SIK3: variants seen among roughly 807,000 people sequenced by gnomAD.
SIK3 encodes SIK family kinase 3, also known as serine/threonine-protein kinase SIK3.
In SIK3, 28 loss-of-function variants were observed where a neutral mutation model predicts 144.2. The ratio of observed to expected loss-of-function variants is 0.19; its 90% CI spans 0.14 to 0.27. The LOEUF (loss-of-function observed/expected upper bound fraction) is 0.27. SIK3 is among the 10% of genes least tolerant of loss of function. The pLI, the probability that SIK3 is intolerant of heterozygous loss-of-function variation, is 1.00. For synonymous variants in SIK3, 686 were observed against 676.3 expected, an observed-to-expected ratio of 1.01 and a Z score of -0.22; for missense variants, 1,319 against 1,776.0, an observed-to-expected ratio of 0.74 and a Z score of 4.62.
At chr11:116,939,166 T>C (rs1249556698) in intron 3 of SIK3, among the ~76,000 whole-genome samples, 1 of 152,194 alleles carries the variant, frequency 6.6e-6, no homozygotes, top group Non-Finnish European at 1.5e-5. Flanking sequence ...GTTTTGTTTT[T>C]AAGACAAGTC....
intron 4 of SIK3, among the ~76,000 whole-genome samples, chr11:116,903,974 T>C (rs1945881266): frequency 6.6e-6 from 1 of 152,248 alleles, no homozygotes; most frequent in Non-Finnish European, 1.5e-5. Context: ...ATTTTGGCTC[T>C]GGAGCTACTC....
intron 20 of SIK3, 126 bp downstream of exon 20, chr11:116,859,139 G>C (rs1943159488): frequency 1.2e-6 from 1 of 863,272 alleles, no homozygotes; most frequent in Admixed American, 3.0e-5. Context: ...ATTTTAGAAA[G>C]CGTGAAACAA....
chr11:117,007,165 G>T (rs537099386), intron 1 of SIK3, among the ~76,000 whole-genome samples: 1 of 152,222 alleles, frequency 6.6e-6, no homozygotes, highest in Non-Finnish European at 1.5e-5. Flanking sequence ...ATCACCTGAC[G>T]TCAGGAGATT....
intron 4 of SIK3, among the ~76,000 whole-genome samples, chr11:116,922,943 G>A (rs1219635953): frequency 4.4e-5 from 5 of 113,562 alleles, no homozygotes; most frequent in Non-Finnish European, 8.3e-5. Flanking sequence ...TTGAGATGGA[G>A]TCTCGCTCTC....
At chr11:116,907,106 T>C (rs1946081065) in intron 4 of SIK3, among the ~76,000 whole-genome samples, 1 of 152,198 alleles carries the variant, frequency 6.6e-6, no homozygotes, top group Non-Finnish European at 1.5e-5. Context: ...TTCTGTTGAG[T>C]GCTGCGCTAC....
chr11:116,902,082 G>T (rs1270418258), intron 4 of SIK3, among the ~76,000 whole-genome samples: 1 of 152,192 alleles, frequency 6.6e-6, no homozygotes, highest in Non-Finnish European at 1.5e-5. Flanking sequence ...CAGTGCAGAG[G>T]AGAAATGCGA....
At chr11:117,030,350 A>G (rs959268095) in intron 1 of SIK3, among the ~76,000 whole-genome samples, 5 of 152,226 alleles carry the variant, frequency 3.3e-5, no homozygotes, top group Non-Finnish European at 7.3e-5. Flanking sequence ...ACAAAATGGA[A>G]CTACTTTAAA....
chr11:116,911,004 G>A (rs184800617), intron 4 of SIK3, among the ~76,000 whole-genome samples: 139 of 152,262 alleles, frequency 9.1e-4, no homozygotes, highest in Non-Finnish European at 1.6e-3. Flanking sequence ...GTGAAGCGGC[G>A]CACACCTGTA....
intron 16 of SIK3, among the ~76,000 whole-genome samples, chr11:116,862,618 G>A (rs1943409132): frequency 6.6e-6 from 1 of 152,218 alleles, no homozygotes; most frequent in Admixed American, 6.5e-5. Context: ...TGGTCATCAG[G>A]AAGGCAGAAA....
rs547563056 is a variant in SIK3 at position 116,893,618 on chromosome 11, C to T, written c.865+2635G>A. Among the ~76,000 whole-genome samples, 6 of 152,128 alleles carry T rather than the reference C, an allele frequency of 3.9e-5. No homozygotes were observed. The East Asian group carries it at 1.2e-3, about 29-fold the overall frequency. On this transcript the variant is annotated intron_variant, in intron 6 of 24. Transcript: ENST00000445177. The stretch of plus-strand genomic sequence containing the variant: ...GCCTGGGAGGTCCAGCTGCAGTGAG[C>T]CACGATCACACCACTGCATTCCAAC...
At chr11:116,894,785 A>G (rs1945306578) in intron 6 of SIK3, among the ~76,000 whole-genome samples, 2 of 152,132 alleles carry the variant, frequency 1.3e-5, no homozygotes, top group African/African-American at 4.8e-5. Context: ...CTTGAATCTG[A>G]TCACTTCTTA....
chr11:117,057,640 T>A (rs1348898645), intron 1 of SIK3, among the ~76,000 whole-genome samples: 1 of 152,150 alleles, frequency 6.6e-6, no homozygotes, highest in African/African-American at 2.4e-5. Flanking sequence ...CAAAAAACAT[T>A]ACACAGTTAT....
At position 117,087,760 on chromosome 11, in the gene SIK3, A is replaced by T. The variant is rs191298440; in HGVS notation, c.273+10383T>A. Among the ~76,000 whole-genome samples the T allele has an allele frequency of 9.5e-4, 144 of 152,350 alleles. 1 individual carries two copies. Among genetic ancestry groups the T allele is most frequent in the Admixed American group, 3.3e-3 (50 of 15,294 alleles). ...TATACATATTAGGTGCCGTACAAGCATGTGTTCCCTTTGGCACGGTAATTT... is the reference window on the plus strand; with the variant it reads ...TATACATATTAGGTGCCGTACAAGCTTGTGTTCCCTTTGGCACGGTAATTT... On this transcript the variant is annotated intron_variant, in intron 1 of 24. Transcript: ENST00000445177.
At chr11:116,876,889 A>C (rs1565398237) in intron 7 of SIK3, 35 bp downstream of exon 7, 1 of 1,553,570 alleles carries the variant, frequency 6.4e-7, no homozygotes, top group South Asian at 1.1e-5. Flanking sequence ...AGCAGCTTTC[A>C]GAGGAGTCCC....
chr11:116,995,814 C>G lies in SIK3; in HGVS notation c.274-38750G>C, dbSNP rs1380744653. On this transcript the variant is annotated intron_variant, in intron 1 of 24. Transcript: ENST00000445177. ...AGTATCTAGCAAAGTGCTGTGTACA[C>G]TTTGATAAGCCTTTATTTCACTTGC... 2.0e-5 allele frequency among the ~76,000 whole-genome samples: 3 copies of G among 152,216 alleles called. No homozygotes were observed. The East Asian group carries it at 5.8e-4, about 29-fold the overall frequency.
intron 1 of SIK3, among the ~76,000 whole-genome samples, chr11:117,057,737 C>G (rs1184352931): frequency 6.6e-6 from 1 of 152,208 alleles, no homozygotes; most frequent in Non-Finnish European, 1.5e-5. Context: ...TACCAAATGG[C>G]TGTGTGACTT....
At chr11:117,089,781 G>C (rs11823918) in intron 1 of SIK3, among the ~76,000 whole-genome samples, 25,017 of 152,150 alleles carry the variant, frequency 0.16, 2,192 homozygotes, top group Admixed American at 0.21. Flanking sequence ...GTATCCAACT[G>C]AGTGAGCTCA....
chr11:116,850,543 A>G (rs1246215269), intron 21 of SIK3, among the ~76,000 whole-genome samples: 1 of 152,244 alleles, frequency 6.6e-6, no homozygotes, highest in African/African-American at 2.4e-5. Flanking sequence ...AAACTTCAAA[A>G]GACTTTGTCT....
intron 9 of SIK3, 149 bp downstream of exon 9, chr11:116,875,716 TG>T (rs1944215779): frequency 9.7e-7 from 1 of 1,031,074 alleles, no homozygotes; most frequent in South Asian, 1.6e-5. Context: ...GATCTTTGAT[TG>T]GCCTCTGACA....
Sources: allele counts gnomAD v4.1 joint callset (sites outside exome capture counted in the v4.1 genomes callset), GRCh38; gene constraint gnomAD v4.1.1; transcripts MANE v1.5; gene names NCBI Gene and HGNC (gene_info 2026-07-23, HGNC 2026-07-21).